Variants in IGLL5 observed in about 807,000 individuals in gnomAD.
The protein encoded by IGLL5 is immunoglobulin lambda like polypeptide 5.
IGLL5 carries 30 observed loss-of-function variants against 20.9 expected under a neutral mutation model. The ratio of observed to expected loss-of-function variants is 1.44; its 90% CI spans 1.07 to 1.95. IGLL5 has a LOEUF of 1.95. Ranked by LOEUF, IGLL5 falls within the 30% of genes most tolerant of loss-of-function variation. IGLL5 has a pLI of 0.00. For missense variants in IGLL5, 475 were observed against 270.7 expected (o/e 1.75, Z -5.30); for synonymous variants, 203 against 117.3 (o/e 1.73, Z -4.72).
intron 1 of IGLL5, among the ~76,000 whole-genome samples, chr22:22,888,508 C>A (rs191281222): frequency 6.6e-6 from 1 of 151,396 alleles, no homozygotes; most frequent in South Asian, 2.1e-4. Flanking sequence ...TAAATTTTCA[C>A]CAGGGTCAGT....
intron 1 of IGLL5, among the ~76,000 whole-genome samples, chr22:22,890,292 T>C (rs1197563876): frequency 6.8e-6 from 1 of 147,110 alleles, no homozygotes; most frequent in Admixed American, 6.8e-5. Flanking sequence ...ACTTTTCCTG[T>C]GTGTGTGTGT....
At chr22:22,895,223 A>C (rs2066733028) in intron 2 of IGLL5, among the ~76,000 whole-genome samples, 152 bp from the exon 3 acceptor site, 1 of 151,484 alleles carries the variant, frequency 6.6e-6, no homozygotes, top group South Asian at 2.1e-4. Flanking sequence ...ACAGGGCATG[A>C]GTGGAAAGGA....
In IGLL5 at chr22:22,888,007, G is replaced by A. The variant is rs567223608; in HGVS notation, c.-47G>A. On this transcript the variant is annotated 5_prime_UTR_variant, in exon 1 of 3. Transcript: ENST00000526893. ...GGACCAGGGCACCGTCCTCCAGGGA[G>A]CCCATGCTGCAAGTCGGGCCAGAGG... is the stretch of plus-strand genomic sequence containing the variant. The A allele has an allele frequency of 1.1e-5, 16 of 1,461,494 alleles. No homozygotes were observed. Among genetic ancestry groups the A allele is most frequent in the East Asian group, 5.0e-5 (2 of 40,246 alleles). The allele number at this position is 1,461,494 out of a possible 1,614,324, so 90.5% of individuals were successfully genotyped here. A position where few individuals can be genotyped will look rare whatever the true frequency, so the allele number is the denominator to read the frequency against.
At position 22,888,173 on chromosome 22, in the gene IGLL5, C is replaced by G. The variant is rs755794558; in HGVS notation, c.120C>G (p.Arg40=). ...GLAMVAHGLL[R]PMVAPQSGDP... ...CCATGGTCGCCCATGGCCTGCTGCG[C>G]CCAATGGTTGCACCGCAAAGCGGGG... The change falls in exon 1 of 3, where the codon CGC becomes CGG. Residue 40 remains arginine, a synonymous_variant. Coordinates refer to ENST00000526893, the MANE Select transcript of IGLL5 (RefSeq NM_001178126.2). 1.9e-6 allele frequency: 3 copies of G among 1,549,080 alleles called. No homozygotes were observed. Among genetic ancestry groups the G allele is most frequent in the African/African-American group, 1.4e-5 (1 of 72,902 alleles).
rs541593342 is a variant in IGLL5, at chr22:22,888,256, G to A, written c.203G>A (p.Gly68Asp). 8.4e-5 allele frequency: 130 copies of A among 1,547,448 alleles called. No homozygotes were observed. In the Admixed American group the frequency reaches 1.2e-3, roughly 14 times the overall value. The change falls in exon 1 of 3, where the codon GGC (glycine) becomes GAC (aspartate). Residue 68 changes from glycine to aspartate, a missense_variant. Coordinates refer to ENST00000526893, the MANE Select transcript of IGLL5 (RefSeq NM_001178126.2). Reference protein sequence around the residue: ...SSRSSLRSLWGRLLLQPSPQR... With the variant: ...SSRSSLRSLWDRLLLQPSPQR... ...CGATCCAGCCTGCGGAGCCTGTGGG[G>A]CAGGTAAGGGGCAAGAGATTCCAGG...
In IGLL5 at chr22:22,894,001, A is replaced by T. The variant is rs535602250; in HGVS notation, c.325+183A>T. 2.0e-5 allele frequency among the ~76,000 whole-genome samples: 3 copies of T among 149,990 alleles called. 1 individual carries two copies. The highest frequency in any genetic ancestry group is 4.4e-5 in the Non-Finnish European group (3 of 67,904). Reference sequence around the variant, plus strand: ...GGTAACCGGCAGGAAGGGCCTCCACAGTGGGAGCAGCCGGATGCAGCCTGG... The same window carrying T: ...GGTAACCGGCAGGAAGGGCCTCCACTGTGGGAGCAGCCGGATGCAGCCTGG... On this transcript the variant is annotated intron_variant, in intron 2 of 2. Transcript: ENST00000526893.
Position 22,888,268 on chromosome 22 carries a change from C to G in IGLL5, c.206+9C>G, listed in dbSNP as rs560369897. Reference sequence around the variant, plus strand: ...CGGAGCCTGTGGGGCAGGTAAGGGGCAAGAGATTCCAGGGGATGTGGGGGT... The same window carrying G: ...CGGAGCCTGTGGGGCAGGTAAGGGGGAAGAGATTCCAGGGGATGTGGGGGT... On this transcript the variant is annotated intron_variant, in intron 1 of 2. Coordinates refer to ENST00000526893, the MANE Select transcript of IGLL5 (RefSeq NM_001178126.2). 6.5e-7 allele frequency: 1 copy of G among 1,546,432 alleles called. No individual in the cohort carries two copies. Among genetic ancestry groups the G allele is most frequent in the Non-Finnish European group, 8.7e-7 (1 of 1,145,848 alleles).
chr22:22,889,350 A>T (rs1423197939), intron 1 of IGLL5, among the ~76,000 whole-genome samples: 1 of 151,176 alleles, frequency 6.6e-6, no homozygotes, highest in Admixed American at 6.6e-5. Flanking sequence ...TGGGCATTAA[A>T]AATGTATAAC....
chr22:22,889,083 A>C (rs2067683993), intron 1 of IGLL5, among the ~76,000 whole-genome samples: 4 of 151,296 alleles, frequency 2.6e-5, no homozygotes, highest in South Asian at 2.1e-4. Flanking sequence ...AGGTAGATTG[A>C]TTATCAGAGT....
Position 22,887,889 on chromosome 22 carries a change from A to C in IGLL5, c.-165A>C. The C allele has an allele frequency of 1.5e-6, 1 of 669,044 alleles. No homozygotes were observed. The highest frequency in any genetic ancestry group is 2.7e-6 in the Non-Finnish European group (1 of 368,602). 41.4% of individuals were successfully genotyped at this position (669,044 alleles called of 1,614,324 possible). A position where few individuals can be genotyped will look rare whatever the true frequency, so the allele number is the denominator to read the frequency against. Reference sequence around the variant, plus strand: ...AGGGGTGACAGCCATGGACCCTGGAAGGGCCTGGGCTAGGGACAGGGACCA... The same window carrying C: ...AGGGGTGACAGCCATGGACCCTGGACGGGCCTGGGCTAGGGACAGGGACCA... On this transcript the variant is annotated 5_prime_UTR_variant, in exon 1 of 3. Transcript: ENST00000526893.
At chr22:22,894,638 A>G (rs191514906) in intron 2 of IGLL5, among the ~76,000 whole-genome samples, 1 of 150,326 alleles carries the variant, frequency 6.7e-6, no homozygotes, top group Admixed American at 6.6e-5. Flanking sequence ...CTCCATGGCT[A>G]CCAGGTGAAG....
chr22:22,893,271 A>G (rs2067904316), intron 1 of IGLL5, among the ~76,000 whole-genome samples: 1 of 151,166 alleles, frequency 6.6e-6, no homozygotes, highest in Admixed American at 6.6e-5. Flanking sequence ...GTGGGACTGA[A>G]CCGCGTCTCC....
chr22:22,894,968 C>T (rs1485662494), intron 2 of IGLL5, among the ~76,000 whole-genome samples: 6 of 151,256 alleles, frequency 4.0e-5, no homozygotes, highest in African/African-American at 7.3e-5. Context: ...CCACAGTTCA[C>T]GGAGGAGGCT....
At chr22:22,889,719 C>T (rs1194718486) in intron 1 of IGLL5, among the ~76,000 whole-genome samples, 1 of 151,242 alleles carries the variant, frequency 6.6e-6, no homozygotes, top group African/African-American at 2.4e-5. Flanking sequence ...TCCTGAGTAG[C>T]TAGGACTACA....
rs768294971 is a variant in IGLL5 at position 22,895,706 on chromosome 22, T to C, written c.*12T>C. ...CAGAATGTTCATAGGTTCCCAACTC[T>C]AACCCCACCCACGGGAGCCTGGAGC... On this transcript the variant is annotated 3_prime_UTR_variant, in exon 3 of 3. Coordinates refer to ENST00000526893, the MANE Select transcript of IGLL5 (RefSeq NM_001178126.2). The C allele has an allele frequency of 9.9e-6, 16 of 1,611,518 alleles. No homozygotes were observed. Among genetic ancestry groups the C allele is most frequent in the African/African-American group, 4.0e-5 (3 of 74,712 alleles).
At chr22:22,888,951 C>G in intron 1 of IGLL5, among the ~76,000 whole-genome samples, 1 of 151,218 alleles carries the variant, frequency 6.6e-6, no homozygotes, top group African/African-American at 2.4e-5. Flanking sequence ...GACAGAGCAG[C>G]GTCAGAGGAG....
chr22:22,889,361 C>T (rs2067711191), intron 1 of IGLL5, among the ~76,000 whole-genome samples: 1 of 151,130 alleles, frequency 6.6e-6, no homozygotes, highest in Admixed American at 6.6e-5. Flanking sequence ...AATGTATAAC[C>T]ATTTTAGCAA....
intron 1 of IGLL5, among the ~76,000 whole-genome samples, chr22:22,889,015 A>T (rs77746170): frequency 1.3e-5 from 2 of 151,338 alleles, no homozygotes; most frequent in Admixed American, 6.6e-5. Context: ...AGGGGAGGCA[A>T]GAAGACCATA....
rs780392868 is a variant in IGLL5 at position 22,888,196 on chromosome 22, G to C, written c.143G>C (p.Gly48Ala). 6.5e-7 allele frequency: 1 copy of C among 1,548,818 alleles called. No homozygotes were observed. Among genetic ancestry groups the C allele is most frequent in the Middle Eastern group, 1.8e-4 (1 of 5,672 alleles). The change falls in exon 1 of 3, where the codon GGG becomes GCG. Residue 48 changes from glycine to alanine, a missense_variant. Gly to Ala is a moderately conservative substitution (Grantham distance 60). Transcript: ENST00000526893. ...LLRPMVAPQS[G>A]DPDPGASVGS... Reference sequence around the variant, plus strand: ...CGCCCAATGGTTGCACCGCAAAGCGGGGACCCAGACCCTGGAGCCTCAGTT... The same window carrying C: ...CGCCCAATGGTTGCACCGCAAAGCGCGGACCCAGACCCTGGAGCCTCAGTT...
Sources: gnomAD v4.1 joint callset for allele counts (sites outside exome capture counted in the v4.1 genomes callset) on GRCh38, gnomAD v4.1.1 for gene constraint, MANE v1.5 for transcripts, NCBI Gene and HGNC (gene_info 2026-07-23, HGNC 2026-07-21) for gene names.